EIF3H: variants seen among roughly 807,000 people sequenced by gnomAD.
EIF3H encodes the protein eIF-3-gamma.
EIF3H carries 26 observed loss-of-function variants against 44.2 expected under a neutral mutation model. The observed-to-expected ratio is 0.59, with a 90% CI of 0.43 to 0.82. The LOEUF (loss-of-function observed/expected upper bound fraction) is 0.82. EIF3H is among the 40% of genes least tolerant of loss of function. The pLI, the probability that EIF3H is intolerant of heterozygous loss-of-function variation, is 0.00. For missense variants in EIF3H, 359 were observed against 432.8 expected (o/e 0.83, Z 1.51); for synonymous variants, 166 against 151.9 (o/e 1.09, Z -0.68).
At chr8:116,671,395 T>C (rs906979048) in intron 2 of EIF3H, among the ~76,000 whole-genome samples, 15 of 152,306 alleles carry the variant, frequency 9.8e-5, no homozygotes, top group African/African-American at 2.9e-4. Context: ...TCAAACCAGG[T>C]AATATCATCT....
intron 1 of EIF3H, among the ~76,000 whole-genome samples, chr8:116,727,635 G>A (rs887019166): frequency 6.6e-6 from 1 of 152,176 alleles, no homozygotes; most frequent in Non-Finnish European, 1.5e-5. Context: ...TTCCATAGTT[G>A]GGGGGTTAGT....
chr8:116,670,622 C>T lies in EIF3H; in HGVS notation c.290-11642G>A, dbSNP rs916155317. ...GCCCTTACCCGCAAGGTGATATGAC[C>T]AGAGACTTCTACATTTGAGAAGAAT... On this transcript the variant is annotated intron_variant, in intron 2 of 7. Coordinates refer to ENST00000521861, the MANE Select transcript of EIF3H (RefSeq NM_003756.3). 2.6e-5 allele frequency among the ~76,000 whole-genome samples: 4 copies of T among 152,300 alleles called. No homozygotes were observed. The South Asian group carries it at 6.2e-4, about 24-fold the overall frequency.
chr8:116,657,379 G>A, intron 3 of EIF3H, 65 bp from the exon 4 acceptor site: 1 of 1,185,002 alleles, frequency 8.4e-7, no homozygotes, highest in East Asian at 2.4e-5. Flanking sequence ...AATGGCATTG[G>A]TTCTAGGCAC....
At chr8:116,695,216 C>T (rs886092061) in intron 2 of EIF3H, among the ~76,000 whole-genome samples, 1 of 151,970 alleles carries the variant, frequency 6.6e-6, no homozygotes, top group East Asian at 1.9e-4. Context: ...TACAGGCATG[C>T]CCCATCACGC....
intron 1 of EIF3H, among the ~76,000 whole-genome samples, chr8:116,733,839 TA>T (rs1414557126): frequency 1.3e-5 from 2 of 152,196 alleles, no homozygotes; most frequent in African/African-American, 4.8e-5. Flanking sequence ...TAAAACAAGG[TA>T]ATTTTATCAG....
rs537275520 is a variant in EIF3H at position 116,665,687 on chromosome 8, C to G, written c.290-6707G>C. On this transcript the variant is annotated intron_variant, in intron 2 of 7. Coordinates refer to ENST00000521861, the MANE Select transcript of EIF3H (RefSeq NM_003756.3). Reference sequence around the variant, plus strand: ...GGACTTTTAAGAATAAAATTATAGGCCTCCTTCCCAGCTGCAACATGGGAC... The same window carrying G: ...GGACTTTTAAGAATAAAATTATAGGGCTCCTTCCCAGCTGCAACATGGGAC... Among the ~76,000 whole-genome samples the G allele has an allele frequency of 7.2e-5, 11 of 152,290 alleles. No homozygotes were observed. In the South Asian group the frequency reaches 1.2e-3, roughly 17 times the overall value.
At chr8:116,699,936 G>A (rs567959576) in intron 2 of EIF3H, among the ~76,000 whole-genome samples, 214 of 152,080 alleles carry the variant, frequency 1.4e-3, no homozygotes, top group African/African-American at 4.9e-3. Context: ...TCAGCCTTCC[G>A]AGAGCTGGGA....
chr8:116,678,026 CCCTCTGATG>C (rs1813878318), intron 2 of EIF3H, among the ~76,000 whole-genome samples: 1 of 152,172 alleles, frequency 6.6e-6, no homozygotes, highest in African/African-American at 2.4e-5. Flanking sequence ...TCCACGGTCT[CCCTCTGATG>C]CCGAGCCAAA....
chr8:116,680,043 G>GGC (rs1813947455), intron 2 of EIF3H, among the ~76,000 whole-genome samples: 1 of 29,544 alleles, frequency 3.4e-5, no homozygotes, highest in African/African-American at 1.1e-4. Flanking sequence ...GGCGGGGGGG[G>GGC]GGTCGGCCAG....
chr8:116,746,967 TCAA>T (rs551871562), intron 1 of EIF3H, among the ~76,000 whole-genome samples: 81 of 152,312 alleles, frequency 5.3e-4, no homozygotes, highest in African/African-American at 1.9e-3. Flanking sequence ...CACCTAAAGT[TCAA>T]CAACAGGGGA....
chr8:116,764,036 ATAT>A (rs1330318196), intron 1 of EIF3H, among the ~76,000 whole-genome samples: 3 of 152,148 alleles, frequency 2.0e-5, no homozygotes, highest in African/African-American at 7.2e-5. Flanking sequence ...CAACAGCATA[ATAT>A]TATAAAACTA....
At chr8:116,738,907 A>G (rs1815084596) in intron 1 of EIF3H, among the ~76,000 whole-genome samples, 1 of 152,272 alleles carries the variant, frequency 6.6e-6, no homozygotes, top group East Asian at 1.9e-4. Flanking sequence ...AATGGTATTT[A>G]GTGATCACAA....
At position 116,720,992 on chromosome 8, in the gene EIF3H, G is replaced by T. The variant is rs1277061440; in HGVS notation, c.289+5024C>A. On this transcript the variant is annotated intron_variant, in intron 2 of 7. Transcript: ENST00000521861. Reference sequence around the variant, plus strand: ...AGAAAAGAAAAGCCCATTTTCTGAGGAGAAATTCAAGCAGAAATTTGCATA... The same window carrying T: ...AGAAAAGAAAAGCCCATTTTCTGAGTAGAAATTCAAGCAGAAATTTGCATA... Among the ~76,000 whole-genome samples, 5 of 152,078 alleles carry T rather than the reference G, an allele frequency of 3.3e-5. 1 individual carries two copies.
At chr8:116,717,881 A>C (rs1814680023) in intron 2 of EIF3H, among the ~76,000 whole-genome samples, 1 of 152,182 alleles carries the variant, frequency 6.6e-6, no homozygotes, top group Non-Finnish European at 1.5e-5. Flanking sequence ...CAACAAAACC[A>C]AGATAAATTG....
At chr8:116,684,123 T>A (rs1010817952) in intron 2 of EIF3H, among the ~76,000 whole-genome samples, 1 of 152,218 alleles carries the variant, frequency 6.6e-6, no homozygotes, top group African/African-American at 2.4e-5. Flanking sequence ...CAAAAAGAAC[T>A]AGTCAAAAAT....
chr8:116,715,238 A>G (rs1814642317), intron 2 of EIF3H, among the ~76,000 whole-genome samples: 1 of 152,096 alleles, frequency 6.6e-6, no homozygotes, highest in Admixed American at 6.6e-5. Context: ...AAACTTAAAC[A>G]AAATATGTTA....
intron 1 of EIF3H, among the ~76,000 whole-genome samples, chr8:116,751,211 C>CA (rs869150189): frequency 1.7e-4 from 17 of 100,504 alleles, no homozygotes; most frequent in African/African-American, 2.7e-4. Flanking sequence ...GACTCCGTCT[C>CA]AAAAAAAAAA....
At chr8:116,659,298 G>A (rs1813545512) in intron 2 of EIF3H, among the ~76,000 whole-genome samples, 1 of 152,138 alleles carries the variant, frequency 6.6e-6, no homozygotes, top group Non-Finnish European at 1.5e-5. Context: ...TCTCAAAATA[G>A]TAAATGTTTA....
chr8:116,736,391 G>T (rs1048243616), intron 1 of EIF3H, among the ~76,000 whole-genome samples: 2 of 152,230 alleles, frequency 1.3e-5, no homozygotes, highest in African/African-American at 4.8e-5. Flanking sequence ...GCCAGGCGCG[G>T]TGGCTCACAC....
Sources: gnomAD v4.1 joint callset for allele counts (sites outside exome capture counted in the v4.1 genomes callset) on GRCh38, gnomAD v4.1.1 for gene constraint, MANE v1.5 for transcripts, NCBI Gene and HGNC (gene_info 2026-07-23, HGNC 2026-07-21) for gene names.